Variants in SLC45A4 observed in about 807,000 individuals in gnomAD.
SLC45A4 encodes polyamine-transporter SLC45A4.
Under a neutral mutation model 63.7 loss-of-function variants are expected in SLC45A4, and 32 were observed. The ratio of observed to expected loss-of-function variants is 0.50; its 90% CI spans 0.38 to 0.67. The LOEUF (loss-of-function observed/expected upper bound fraction) is 0.67. Ranked by LOEUF, SLC45A4 falls within the 30% of genes least tolerant of loss-of-function variation. The probability of loss-of-function intolerance (pLI) is 0.00; values close to 1 mark genes in which losing one functional copy is unlikely to be tolerated. For synonymous variants in SLC45A4, 535 were observed against 510.0 expected (o/e 1.05, Z -0.66); for missense variants, 1,027 against 1,157.7 (o/e 0.89, Z 1.64).
intron 1 of SLC45A4, 111 bp downstream of exon 1, chr8:141,307,985 G>C (rs1313909874): frequency 6.6e-6 from 1 of 151,204 alleles, no homozygotes; most frequent in Admixed American, 6.6e-5. Context: ...ACCCGACCTG[G>C]AGGCCGAGGC....
Position 141,211,145 on chromosome 8 carries a change from G to A in SLC45A4, c.*427C>T, listed in dbSNP as rs891007139. 2.6e-5 allele frequency: 8 copies of A among 308,586 alleles called. No individual in the cohort carries two copies. The highest frequency in any genetic ancestry group is 1.1e-4 in the African/African-American group (5 of 46,610). The allele number at this position is 308,586 out of a possible 1,614,324, so 19.1% of individuals were successfully genotyped here. A position where few individuals can be genotyped will look rare whatever the true frequency, so the allele number is the denominator to read the frequency against. On this transcript the variant is annotated 3_prime_UTR_variant, in exon 9 of 9. Transcript: ENST00000517878. ...CACACACCCGAGGTAGCCTTGCGGC[G>A]GGACTTGGGAGGCAGGGCCCGCTGG...
At position 141,218,920 on chromosome 8, in the gene SLC45A4, G is replaced by A; in HGVS notation, c.720C>T (p.Ile240=). 1 of 1,613,792 alleles carries A rather than the reference G, an allele frequency of 6.2e-7. No homozygotes were observed. The highest frequency in any genetic ancestry group is 8.5e-7 in the Non-Finnish European group (1 of 1,179,942). ...QNQVLFFFAA[I]IFTVSVALHL... The stretch of plus-strand genomic sequence containing the variant: ...GCAGGGCCACGGACACCGTGAAGAT[G>A]ATGGCGGCAAAGAAGAAGAGCACCT... Residue 240 remains isoleucine, a synonymous_variant, in exon 5 of 9, where the codon ATC becomes ATT. Transcript: ENST00000517878.
Position 141,211,406 on chromosome 8 carries a change from T to C in SLC45A4, c.*166A>G. On this transcript the variant is annotated 3_prime_UTR_variant, in exon 9 of 9. Coordinates refer to ENST00000517878, the MANE Select transcript of SLC45A4 (RefSeq NM_001286646.2). ...CCGCCCCCAGGTGGTGCCCAGCCCA[T>C]CCCTGGGCAGGGTGTCTGGGAGCCA... is the stretch of plus-strand genomic sequence containing the variant. The C allele has an allele frequency of 6.5e-7, 1 of 1,538,308 alleles. No homozygotes were observed. Among genetic ancestry groups the C allele is most frequent in the Non-Finnish European group, 8.7e-7 (1 of 1,144,292 alleles).
At chr8:141,233,612 G>A (rs528422276) in intron 2 of SLC45A4, among the ~76,000 whole-genome samples, 4 of 152,286 alleles carry the variant, frequency 2.6e-5, no homozygotes, top group South Asian at 4.1e-4. Context: ...GCTTGAACCC[G>A]GGAGGCAGAG....
At chr8:141,283,219 T>C (rs549909564) in intron 1 of SLC45A4, among the ~76,000 whole-genome samples, 3 of 152,372 alleles carry the variant, frequency 2.0e-5, no homozygotes, top group Admixed American at 2.0e-4. Flanking sequence ...CTCTGAAGCA[T>C]GACTCTGTGG....
At chr8:141,296,705 G>A (rs35675837) in intron 1 of SLC45A4, among the ~76,000 whole-genome samples, 20,826 of 146,580 alleles carry the variant, frequency 0.14, 1,757 homozygotes, top group Non-Finnish European at 0.2. Context: ...GTGTGGTGGC[G>A]CACACCTGTG....
In SLC45A4 at chr8:141,272,812, G is replaced by A. The variant is rs538609706; in HGVS notation, c.-400-18183C>T. The stretch of plus-strand genomic sequence containing the variant: ...TCTCCCCCTTCCCTCCACAACACCA[G>A]ACAGAAAGTAAACGCAACAGTGTAT... On this transcript the variant is annotated intron_variant, in intron 1 of 8. Transcript: ENST00000517878. Among the ~76,000 whole-genome samples the A allele has an allele frequency of 2.0e-5, 3 of 152,196 alleles. 1 individual carries two copies. The South Asian group carries it at 6.2e-4, about 32-fold the overall frequency.
chr8:141,235,066 G>A (rs987237406), intron 2 of SLC45A4, among the ~76,000 whole-genome samples: 24 of 152,168 alleles, frequency 1.6e-4, no homozygotes, highest in Admixed American at 1.2e-3. Flanking sequence ...CTTCATCTCC[G>A]AGTGAAGGTG....
intron 1 of SLC45A4, 81 bp downstream of exon 1, chr8:141,308,015 G>C (rs1830955842): frequency 6.5e-6 from 1 of 153,056 alleles, no homozygotes; most frequent in African/African-American, 2.4e-5. Flanking sequence ...GGTGGGGGTG[G>C]GGAGGCTGCA....
At chr8:141,274,574 A>G (rs373041104) in intron 1 of SLC45A4, among the ~76,000 whole-genome samples, 1 of 150,444 alleles carries the variant, frequency 6.6e-6, no homozygotes, top group East Asian at 1.9e-4. Context: ...TGGGTGAATG[A>G]CCAAAACTTA....
intron 1 of SLC45A4, among the ~76,000 whole-genome samples, chr8:141,304,058 C>T (rs543191746): frequency 7.5e-6 from 1 of 133,846 alleles, no homozygotes; most frequent in African/African-American, 2.5e-5. Flanking sequence ...TGTTCTGGAG[C>T]CCTCACTAGA....
At position 141,219,035 on chromosome 8, in the gene SLC45A4, T is replaced by G; in HGVS notation, c.611-6A>C. 1 of 1,603,416 alleles carries G rather than the reference T, an allele frequency of 6.2e-7. No homozygotes were observed. The highest frequency in any genetic ancestry group is 1.7e-4 in the Middle Eastern group (1 of 6,014). On this transcript the variant is annotated splice_region_variant and splice_polypyrimidine_tract_variant and intron_variant, in intron 4 of 8. Coordinates refer to ENST00000517878, the MANE Select transcript of SLC45A4 (RefSeq NM_001286646.2). ...GCCGATGGCTCCGCCGAGGCCTGCG[T>G]GGGAGGAAGCAGCAGCCGGTGAGCC...
intron 1 of SLC45A4, among the ~76,000 whole-genome samples, chr8:141,273,313 G>A (rs942207488): frequency 1.3e-5 from 2 of 152,158 alleles, no homozygotes; most frequent in African/African-American, 4.8e-5. Context: ...TGTGTGCCAG[G>A]GTCCGAAGGA....
intron 2 of SLC45A4, among the ~76,000 whole-genome samples, chr8:141,246,739 G>C (rs966910095): frequency 6.6e-6 from 1 of 152,088 alleles, no homozygotes; most frequent in Non-Finnish European, 1.5e-5. Flanking sequence ...AAATTTATTA[G>C]AAATGAAACC....
intron 1 of SLC45A4, among the ~76,000 whole-genome samples, chr8:141,274,528 C>T (rs747108565): frequency 4.4e-5 from 5 of 114,182 alleles, no homozygotes; most frequent in Non-Finnish European, 9.0e-5. Context: ...GAGAGAAACT[C>T]GGTCTCAAAA....
At chr8:141,263,781 A>AAAAAT (rs1554598339) in intron 1 of SLC45A4, among the ~76,000 whole-genome samples, 32 of 140,330 alleles carry the variant, frequency 2.3e-4, no homozygotes, top group Non-Finnish European at 1.3e-4. Flanking sequence ...AAAAAAAAAA[A>AAAAAT]AATAAAAATA....
At chr8:141,258,308 C>T (rs1437191579) in intron 1 of SLC45A4, among the ~76,000 whole-genome samples, 2 of 152,166 alleles carry the variant, frequency 1.3e-5, no homozygotes, top group African/African-American at 4.8e-5. Context: ...CTAAACTGTC[C>T]AGTCCTGACT....
At chr8:141,262,193 T>A (rs562663631) in intron 1 of SLC45A4, among the ~76,000 whole-genome samples, 1 of 151,088 alleles carries the variant, frequency 6.6e-6, no homozygotes, top group East Asian at 1.9e-4. Flanking sequence ...GATCCCTTCC[T>A]TACACCTTAT....
chr8:141,232,279 G>A (rs1827395330), intron 2 of SLC45A4, among the ~76,000 whole-genome samples: 1 of 152,252 alleles, frequency 6.6e-6, no homozygotes, highest in African/African-American at 2.4e-5. Flanking sequence ...CTTTGGCCAT[G>A]GGCTGGTTCA....
Sources: allele counts gnomAD v4.1 joint callset (sites outside exome capture counted in the v4.1 genomes callset), GRCh38; gene constraint gnomAD v4.1.1; transcripts MANE v1.5; gene names NCBI Gene and HGNC (gene_info 2026-07-23, HGNC 2026-07-21).